The following BAZ2B variants were observed in gnomAD, a reference collection of about 807,000 sequenced individuals.
BAZ2B encodes the protein bromodomain adjacent to zinc finger domain 2B.
A neutral mutation model predicts 246.0 loss-of-function variants in BAZ2B; 91 were observed. That is an observed-to-expected ratio of 0.37 (90% CI 0.31 to 0.44). The LOEUF is 0.44. Ranked by LOEUF, BAZ2B falls within the 20% of genes least tolerant of loss-of-function variation. BAZ2B has a pLI of 1.00. For missense variants in BAZ2B, 2,332 were observed against 2,533.7 expected, an observed-to-expected ratio of 0.92 and a Z score of 1.71; for synonymous variants, 855 against 860.0, an observed-to-expected ratio of 0.99 and a Z score of 0.10.
intron 25 of BAZ2B, among the ~76,000 whole-genome samples, chr2:159,379,450 C>T (rs1274191953): frequency 2.0e-5 from 3 of 152,072 alleles, no homozygotes; most frequent in Non-Finnish European, 4.4e-5. Context: ...ACAGTGTATA[C>T]TGTACACTTA....
rs377622780 is a variant in BAZ2B at position 159,549,282 on chromosome 2, AAAAC to A, written c.-3+6537_-3+6540del. On this transcript the variant is annotated intron_variant, in intron 2 of 36. Transcript: ENST00000392783. ...GGCAACAGAACGAGACTCTGTCTCA[AAAAC>A]AAACAAACAAACAAACAACTAAAAC... Among the ~76,000 whole-genome samples the A allele has an allele frequency of 4.6e-5, 7 of 152,312 alleles. No individual in the cohort carries two copies. In the East Asian group the frequency reaches 1.2e-3, roughly 25 times the overall value.
At chr2:159,316,455 G>C (rs1156751927), downstream of BAZ2B, among the ~76,000 whole-genome samples, 1 of 151,948 alleles carries the variant, frequency 6.6e-6, no homozygotes, top group African/African-American at 2.4e-5. Context: ...CACTTCGGGA[G>C]GCCGTGGGGG....
chr2:159,516,419 C>T (rs1183313007), intron 2 of BAZ2B: 1 of 152,304 alleles, frequency 6.6e-6, no homozygotes, highest in Non-Finnish European at 1.5e-5. Context: ...GCTTTGCTGA[C>T]CCCAAGGGTC....
intron 35 of BAZ2B, among the ~76,000 whole-genome samples, chr2:159,325,293 G>C (rs2063554349): frequency 6.7e-6 from 1 of 149,312 alleles, no homozygotes; most frequent in Admixed American, 6.7e-5. Context: ...ACTATACCCA[G>C]CTAATTTTTG....
intron 1 of BAZ2B, among the ~76,000 whole-genome samples, chr2:159,569,603 G>A (rs1322321036): frequency 6.6e-6 from 1 of 152,092 alleles, no homozygotes; most frequent in Non-Finnish European, 1.5e-5. Context: ...CTTTAAAAAT[G>A]TACTTTTTAG....
chr2:159,688,074 T>A, the BAZ2B span, among the ~76,000 whole-genome samples: 1 of 152,230 alleles, frequency 6.6e-6, no homozygotes, highest in African/African-American at 2.4e-5. Flanking sequence ...AGAGTCTTGA[T>A]CTGTCACCCA....
intron 2 of BAZ2B, among the ~76,000 whole-genome samples, chr2:159,503,666 C>T (rs936164037): frequency 1.3e-5 from 2 of 151,772 alleles, no homozygotes; most frequent in African/African-American, 4.8e-5. Flanking sequence ...TGCAACCTCC[C>T]CCTCCCGGGT....
chr2:159,566,608 T>G (rs1412264956), intron 1 of BAZ2B, among the ~76,000 whole-genome samples: 1 of 152,230 alleles, frequency 6.6e-6, no homozygotes, highest in Non-Finnish European at 1.5e-5. Flanking sequence ...TACATAAATT[T>G]TCATCATCTC....
chr2:159,348,467 T>G (rs2058210258), intron 30 of BAZ2B, among the ~76,000 whole-genome samples: 1 of 152,052 alleles, frequency 6.6e-6, no homozygotes, highest in Non-Finnish European at 1.5e-5. Context: ...TATATATTAT[T>G]TAGGGAAGAA....
chr2:159,325,170 G>A (rs374712644), intron 35 of BAZ2B, among the ~76,000 whole-genome samples: 31 of 112,920 alleles, frequency 2.7e-4, no homozygotes, highest in Non-Finnish European at 4.5e-4. Context: ...TTGCTCTATC[G>A]CCCAGACTGG....
intron 2 of BAZ2B, among the ~76,000 whole-genome samples, chr2:159,511,226 G>C (rs1173337373): frequency 6.6e-6 from 1 of 151,858 alleles, no homozygotes; most frequent in East Asian, 1.9e-4. Context: ...TTTTTGAGAT[G>C]GAGTTTTGCT....
chr2:159,685,141 GC>G, the BAZ2B span, among the ~76,000 whole-genome samples: 1 of 152,100 alleles, frequency 6.6e-6, no homozygotes, highest in African/African-American at 2.4e-5. Context: ...AGGTCTCTAT[GC>G]TTTTCATAAG....
intron 2 of BAZ2B, among the ~76,000 whole-genome samples, chr2:159,499,601 T>G (rs912352327): frequency 2.0e-5 from 3 of 152,256 alleles, no homozygotes; most frequent in African/African-American, 7.2e-5. Flanking sequence ...ATCGCCATAC[T>G]GTCTTCCACA....
chr2:159,660,601 A>G, the BAZ2B span, among the ~76,000 whole-genome samples: 1 of 152,046 alleles, frequency 6.6e-6, no homozygotes, highest in Non-Finnish European at 1.5e-5. Context: ...ATTACTCCAC[A>G]TCCTCATCAA....
chr2:159,384,937 G>A (rs2062450308), intron 23 of BAZ2B, among the ~76,000 whole-genome samples: 1 of 152,062 alleles, frequency 6.6e-6, no homozygotes, highest in African/African-American at 2.4e-5. Context: ...ACGTATTACA[G>A]ACACACAGTA....
intron 2 of BAZ2B, among the ~76,000 whole-genome samples, chr2:159,549,825 T>TTTC (rs538332573): frequency 4.8e-4 from 63 of 131,300 alleles, no homozygotes; most frequent in African/African-American, 8.1e-4. Context: ...TTTTTCTTTC[T>TTTC]TTTTTTTTTT....
chr2:159,629,655 C>G, the BAZ2B span, among the ~76,000 whole-genome samples: 5 of 150,902 alleles, frequency 3.3e-5, no homozygotes, highest in African/African-American at 1.2e-4. Flanking sequence ...AGGGGAACGT[C>G]ACACACTGGG....
chr2:159,455,763 GTTTTTTTTTTT>G, intron 3 of BAZ2B, among the ~76,000 whole-genome samples: 1 of 64,626 alleles, frequency 1.5e-5, no homozygotes, highest in African/African-American at 5.4e-5. Flanking sequence ...AAATATTGTG[GTTTTTTTTTTT>G]TTTTTTTTTT....
At chr2:159,557,883 C>T (rs985741515) in intron 1 of BAZ2B, among the ~76,000 whole-genome samples, 19 of 151,694 alleles carry the variant, frequency 1.3e-4, no homozygotes, top group African/African-American at 4.4e-4. Flanking sequence ...ACTTGGTATA[C>T]GTTTTTAAGT....
Sources: gnomAD v4.1 joint callset for allele counts (sites outside exome capture counted in the v4.1 genomes callset) on GRCh38, gnomAD v4.1.1 for gene constraint, MANE v1.5 for transcripts, NCBI Gene and HGNC (gene_info 2026-07-23, HGNC 2026-07-21) for gene names.